TCF7L2: variants seen among roughly 807,000 people sequenced by gnomAD.
The protein encoded by TCF7L2 is transcription factor 7 like 2.
Under a neutral mutation model 77.9 loss-of-function variants are expected in TCF7L2, and 23 were observed. The observed-to-expected ratio is 0.30, with a 90% CI of 0.21 to 0.42. TCF7L2 has a LOEUF of 0.42. Ranked by LOEUF, TCF7L2 falls within the 10% of genes least tolerant of loss-of-function variation. The pLI, the probability that TCF7L2 is intolerant of heterozygous loss-of-function variation, is 1.00. For synonymous variants in TCF7L2, 413 were observed against 340.2 expected, an observed-to-expected ratio of 1.21 and a Z score of -2.36; for missense variants, 654 against 793.1, an observed-to-expected ratio of 0.82 and a Z score of 2.11.
Position 113,166,797 on chromosome 10 carries a change from ATATAT to A in TCF7L2, c.*827_*831del. 2 of 228,278 alleles carry A rather than the reference ATATAT, an allele frequency of 8.8e-6. No individual in the cohort carries two copies. Among genetic ancestry groups the A allele is most frequent in the Non-Finnish European group, 1.7e-5 (2 of 115,094 alleles). 14.1% of individuals were successfully genotyped at this position (228,278 alleles called of 1,614,324 possible). ...TTAAGTTTATATATAAAATGTGTAT[ATATAT>A]TTTTGTTTCCCCTTTTTGACTTTTT... On this transcript the variant is annotated 3_prime_UTR_variant, in exon 14 of 14. Coordinates refer to ENST00000627217, the MANE Select transcript of TCF7L2 (RefSeq NM_001146274.2).
At chr10:112,968,972 C>T (rs1032728323) in intron 4 of TCF7L2, among the ~76,000 whole-genome samples, 1 of 152,062 alleles carries the variant, frequency 6.6e-6, no homozygotes, top group Non-Finnish European at 1.5e-5. Flanking sequence ...GGTTTGAAAG[C>T]AGTCAATGAT....
Position 113,026,777 on chromosome 10 carries a change from G to T in TCF7L2, c.451-13248G>T, listed in dbSNP as rs550016631. Among the ~76,000 whole-genome samples, 8 of 152,298 alleles carry T rather than the reference G, an allele frequency of 5.3e-5. No individual in the cohort carries two copies. The South Asian group carries it at 1.7e-3, about 32-fold the overall frequency. ...GAGCTCTAGAAGTGGAGATGGCCAG[G>T]TTCTGTGGTCAGAGCTGGTTGGGAT... On this transcript the variant is annotated intron_variant, in intron 4 of 13. Transcript: ENST00000627217.
chr10:113,146,671 T>C (rs2069488592), intron 8 of TCF7L2, among the ~76,000 whole-genome samples: 1 of 152,172 alleles, frequency 6.6e-6, no homozygotes, highest in Non-Finnish European at 1.5e-5. Flanking sequence ...GACATGTTTT[T>C]ATTCAATGCA....
At chr10:113,076,463 G>A (rs1410442052) in intron 5 of TCF7L2, among the ~76,000 whole-genome samples, 1 of 152,192 alleles carries the variant, frequency 6.6e-6, no homozygotes, top group Non-Finnish European at 1.5e-5. Flanking sequence ...TGTTGTTAAA[G>A]TGAGAGACCC....
intron 5 of TCF7L2, among the ~76,000 whole-genome samples, chr10:113,072,859 C>G (rs143094640): frequency 1.2e-4 from 19 of 152,290 alleles, no homozygotes; most frequent in African/African-American, 4.3e-4. Flanking sequence ...AAAAAAGAAG[C>G]AGCACGAGTC....
intron 5 of TCF7L2, among the ~76,000 whole-genome samples, chr10:113,116,375 A>G (rs1364538587): frequency 6.6e-6 from 1 of 152,260 alleles, no homozygotes; most frequent in African/African-American, 2.4e-5. Flanking sequence ...TTTATCACTT[A>G]TAATCTAAAT....
intron 6 of TCF7L2, 93 bp from the exon 7 acceptor site, chr10:113,143,830 C>A: frequency 2.4e-6 from 2 of 837,676 alleles, no homozygotes; most frequent in East Asian, 2.7e-5. Context: ...AGAAGAGATG[C>A]GTCTCTTCCT....
intron 5 of TCF7L2, among the ~76,000 whole-genome samples, chr10:113,059,698 G>C (rs1444204942): frequency 6.6e-6 from 1 of 152,140 alleles, no homozygotes; most frequent in Non-Finnish European, 1.5e-5. Context: ...TGTTCCTTTG[G>C]TTTTCAAGGC....
At chr10:112,976,835 C>G (rs373104530) in intron 4 of TCF7L2, among the ~76,000 whole-genome samples, 12 of 152,110 alleles carry the variant, frequency 7.9e-5, no homozygotes, top group Non-Finnish European at 1.6e-4. Flanking sequence ...TCCATCAGTG[C>G]GTGAATTTGC....
At chr10:112,954,948 G>A (rs1388842356) in intron 3 of TCF7L2, among the ~76,000 whole-genome samples, 1 of 152,078 alleles carries the variant, frequency 6.6e-6, no homozygotes, top group Non-Finnish European at 1.5e-5. Context: ...CTATTCATTG[G>A]GATTTTATTT....
intron 4 of TCF7L2, among the ~76,000 whole-genome samples, chr10:113,017,183 A>G (rs1259879195): frequency 2.0e-5 from 3 of 152,124 alleles, no homozygotes; most frequent in Non-Finnish European, 4.4e-5. Flanking sequence ...TCTTATAGTG[A>G]CCCTGTGTTT....
intron 4 of TCF7L2, among the ~76,000 whole-genome samples, chr10:113,018,811 T>C (rs1477309965): frequency 6.6e-6 from 1 of 152,184 alleles, no homozygotes; most frequent in Non-Finnish European, 1.5e-5. Flanking sequence ...GGGGATTCCC[T>C]CTGGCTGGGG....
intron 4 of TCF7L2, among the ~76,000 whole-genome samples, chr10:113,000,337 G>A (rs1282753042): frequency 1.3e-5 from 2 of 152,142 alleles, no homozygotes; most frequent in African/African-American, 4.8e-5. Context: ...TAGTGAATTA[G>A]ACACTACTTT....
intron 5 of TCF7L2, among the ~76,000 whole-genome samples, chr10:113,083,458 A>G (rs1309505978): frequency 6.6e-6 from 1 of 152,186 alleles, no homozygotes; most frequent in Non-Finnish European, 1.5e-5. Context: ...TACGATAAAA[A>G]TGGTAGCTTA....
chr10:112,998,759 A>T (rs992765024), intron 4 of TCF7L2, among the ~76,000 whole-genome samples: 2 of 152,172 alleles, frequency 1.3e-5, no homozygotes, highest in Non-Finnish European at 2.9e-5. Context: ...GCTACATTTC[A>T]TCTCTTCGCT....
At chr10:113,129,222 C>G (rs1256451185) in intron 5 of TCF7L2, 4 of 749,418 alleles carry the variant, frequency 5.3e-6, no homozygotes, top group Non-Finnish European at 6.5e-6. Flanking sequence ...CCTCTCCCAT[C>G]GCAGCCCTCT....
At chr10:113,030,498 C>T (rs1313484681) in intron 4 of TCF7L2, among the ~76,000 whole-genome samples, 1 of 152,206 alleles carries the variant, frequency 6.6e-6, no homozygotes, top group Non-Finnish European at 1.5e-5. Flanking sequence ...CTGCATTGTA[C>T]TTGGCCTTTT....
At chr10:112,952,004 C>G (rs2031721724) in intron 3 of TCF7L2, 1 of 152,408 alleles carries the variant, frequency 6.6e-6, no homozygotes, top group Admixed American at 6.6e-5. Context: ...TTCCTTTGCT[C>G]TCTCTCCCTC....
At chr10:113,016,248 G>A (rs2047324947) in intron 4 of TCF7L2, among the ~76,000 whole-genome samples, 1 of 152,064 alleles carries the variant, frequency 6.6e-6, no homozygotes, top group East Asian at 1.9e-4. Context: ...AATATTTTTA[G>A]TAGAGATTGG....
Sources: allele counts gnomAD v4.1 joint callset (sites outside exome capture counted in the v4.1 genomes callset), GRCh38; gene constraint gnomAD v4.1.1; transcripts MANE v1.5; gene names NCBI Gene and HGNC (gene_info 2026-07-23, HGNC 2026-07-21).